The following CFAP69 variants were observed in gnomAD, a reference collection of about 807,000 sequenced individuals.
The protein encoded by CFAP69 is cilia and flagella associated protein 69, also known as cilia- and flagella-associated protein 69.
A neutral mutation model predicts 123.0 loss-of-function variants in CFAP69; 92 were observed. That is an observed-to-expected ratio of 0.75 (90% CI 0.63 to 0.89). The LOEUF (loss-of-function observed/expected upper bound fraction) is 0.89, where lower values mean the gene tolerates loss of function less well. CFAP69 is among the 40% of genes least tolerant of loss of function. CFAP69 has a pLI of 0.00. For synonymous variants in CFAP69, 380 were observed against 364.3 expected (o/e 1.04, Z -0.49); for missense variants, 1,067 against 1,096.9 (o/e 0.97, Z 0.39).
At position 90,271,852 on chromosome 7, in the gene CFAP69, C is replaced by G. The variant is rs1165913724; in HGVS notation, c.754C>G (p.Pro252Ala). The G allele has an allele frequency of 1.2e-6, 2 of 1,605,978 alleles. No homozygotes were observed. Among genetic ancestry groups the G allele is most frequent in the Non-Finnish European group, 1.7e-6 (2 of 1,175,062 alleles). The change falls in exon 8 of 23, where the codon CCC becomes GCC. Residue 252 changes from proline (P) to alanine (A), a missense_variant. Transcript: ENST00000389297. The part of the protein sequence containing the change: ...GICTHLNDPD[P>A]SGQLLFRSSE... ...CTGTACTCACCTCAATGACCCAGATCCCTCTGGACAGCTTTTATTTCGTTC... is the reference window on the plus strand; with the variant it reads ...CTGTACTCACCTCAATGACCCAGATGCCTCTGGACAGCTTTTATTTCGTTC...
chr7:90,296,003 G>C (rs17869453), intron 15 of CFAP69, among the ~76,000 whole-genome samples: 3 of 152,004 alleles, frequency 2.0e-5, no homozygotes, highest in Admixed American at 6.6e-5. Flanking sequence ...TGTTTTATCC[G>C]CAAAGCCTTA....
intron 9 of CFAP69, among the ~76,000 whole-genome samples, chr7:90,275,737 G>A (rs570411095): frequency 5.3e-5 from 8 of 151,450 alleles, no homozygotes; most frequent in African/African-American, 1.7e-4. Context: ...GAGTAGCTGG[G>A]ACTACAGGCA....
downstream of CFAP69, among the ~76,000 whole-genome samples, chr7:90,311,794 T>C (rs992132877): frequency 6.6e-6 from 1 of 152,210 alleles, no homozygotes; most frequent in Non-Finnish European, 1.5e-5. Context: ...GCCCATCCTC[T>C]TGTGCCCCAT....
At chr7:90,269,529 T>C (rs1288254656) in intron 6 of CFAP69, among the ~76,000 whole-genome samples, 1 of 151,914 alleles carries the variant, frequency 6.6e-6, no homozygotes, top group Non-Finnish European at 1.5e-5. Flanking sequence ...AGGAGAAAGT[T>C]GTCTCAGTGT....
intron 20 of CFAP69, 144 bp from the exon 21 acceptor site, chr7:90,307,624 T>C (rs1793791003): frequency 1.9e-6 from 1 of 527,996 alleles, no homozygotes; most frequent in African/African-American, 2.0e-5. Context: ...TATAATTTTA[T>C]TTCTACAGTC....
intron 6 of CFAP69, chr7:90,268,957 A>G: frequency 6.6e-6 from 1 of 152,216 alleles, no homozygotes; most frequent in East Asian, 1.9e-4. Flanking sequence ...GAGAGAGGAT[A>G]TAAACAATAA....
At chr7:90,251,064 C>T (rs1796950728) in intron 1 of CFAP69, among the ~76,000 whole-genome samples, 1 of 152,052 alleles carries the variant, frequency 6.6e-6, no homozygotes, top group Non-Finnish European at 1.5e-5. Context: ...AGTCTACCTC[C>T]AAATCAGTCT....
At chr7:90,322,097 G>C in the CFAP69 span, 1 of 152,400 alleles carries the variant, frequency 6.6e-6, no homozygotes, top group Non-Finnish European at 1.5e-5. Context: ...CATTGTCCCT[G>C]CTAAAGCTCA....
intron 17 of CFAP69, 41 bp downstream of exon 17, chr7:90,300,100 T>C: frequency 1.4e-6 from 2 of 1,414,244 alleles, no homozygotes; most frequent in Non-Finnish European, 1.9e-6. Flanking sequence ...AATTAATGTA[T>C]ATATTTTAAA....
At chr7:90,259,336 G>C (rs1299401508) in intron 3 of CFAP69, among the ~76,000 whole-genome samples, 3 of 152,130 alleles carry the variant, frequency 2.0e-5, no homozygotes, top group Non-Finnish European at 4.4e-5. Flanking sequence ...TGAAACCCAG[G>C]AATTCAAGGT....
chr7:90,271,636 C>G lies in CFAP69; in HGVS notation c.643C>G (p.Leu215Val). ...GCTTGAAAATCAACTTGTTGAGAAA[C>G]TTTGGGTACTTAAAGTTCTGCAGCA... is the stretch of plus-strand genomic sequence containing the variant. The part of the protein sequence containing the change: ...TLLENQLVEK[L>V]WVLKVLQHLS... Residue 215 changes from leucine to valine, a missense_variant, in exon 7 of 23, where the codon CTT becomes GTT. Physicochemically the swap from Leu to Val is conservative, Grantham distance 32. Coordinates refer to ENST00000389297, the MANE Select transcript of CFAP69 (RefSeq NM_001039706.3). 1 of 1,613,572 alleles carries G rather than the reference C, an allele frequency of 6.2e-7. No individual in the cohort carries two copies. Among genetic ancestry groups the G allele is most frequent in the South Asian group, 1.1e-5 (1 of 91,038 alleles).
At chr7:90,280,484 G>T (rs1176838809) in intron 12 of CFAP69, among the ~76,000 whole-genome samples, 1 of 152,208 alleles carries the variant, frequency 6.6e-6, no homozygotes, top group Non-Finnish European at 1.5e-5. Flanking sequence ...GCGTGAGCCT[G>T]AAATGAATTA....
chr7:90,303,577 C>A, intron 17 of CFAP69: 1 of 957,782 alleles, frequency 1.0e-6, no homozygotes, highest in Non-Finnish European at 1.2e-6. Context: ...TGACCTATAG[C>A]ATCATAAAAT....
At chr7:90,295,591 A>G (rs1791827020) in intron 15 of CFAP69, among the ~76,000 whole-genome samples, 1 of 152,098 alleles carries the variant, frequency 6.6e-6, no homozygotes, top group South Asian at 2.1e-4. Context: ...TGTCCCTTCC[A>G]TGGTTGCCAG....
Position 90,271,603 on chromosome 7 carries a change from A to G in CFAP69, c.610A>G (p.Met204Val), listed in dbSNP as rs762249812. Reference protein sequence around the residue: ...GGLAKTMVQSMTLLENQLVEK... With the variant: ...GGLAKTMVQSVTLLENQLVEK... ...ATTAGCAAAAACAATGGTCCAGTCA[A>G]TGACCTTGCTTGAAAATCAACTTGT... Residue 204 changes from methionine to valine, a missense_variant, in exon 7 of 23, where the codon ATG becomes GTG. Physicochemically the swap from Met to Val is conservative, Grantham distance 21. Coordinates refer to ENST00000389297, the MANE Select transcript of CFAP69 (RefSeq NM_001039706.3). 5 of 1,613,576 alleles carry G rather than the reference A, an allele frequency of 3.1e-6. No individual in the cohort carries two copies. Among genetic ancestry groups the G allele is most frequent in the African/African-American group, 1.3e-5 (1 of 74,916 alleles).
chr7:90,246,956 A>C (rs1299474643), intron 1 of CFAP69, among the ~76,000 whole-genome samples: 3 of 151,988 alleles, frequency 2.0e-5, no homozygotes, highest in African/African-American at 7.3e-5. Context: ...TTCTTTCATT[A>C]CTACTGCTCT....
Position 90,309,299 on chromosome 7 carries a change from TC to T in CFAP69, c.2589del (p.Arg864AspfsTer28). The T allele has an allele frequency of 6.3e-7, 1 of 1,587,426 alleles. No individual in the cohort carries two copies. The highest frequency in any genetic ancestry group is 1.2e-5 in the South Asian group (1 of 85,360). ...CCTTCAAGAAAAAGCTATAGAAGCC[TC>T]CAGATACCATAAACGACCACAAAAT... ...KSLQEKAIEA[S>X]RYHKRPQNAI... On this transcript the variant is annotated frameshift_variant, in exon 22 of 23. Coordinates refer to ENST00000389297, the MANE Select transcript of CFAP69 (RefSeq NM_001039706.3). LOFTEE classifies it high-confidence loss of function.
At chr7:90,301,081 G>A (rs957224265) in intron 17 of CFAP69, 3 of 151,810 alleles carry the variant, frequency 2.0e-5, no homozygotes, top group African/African-American at 7.3e-5. Flanking sequence ...TGATTCTTCT[G>A]CCTCAGCCTC....
chr7:90,264,105 ATATATATATATATATATATATATATAT>A (rs1379751924), intron 4 of CFAP69, among the ~76,000 whole-genome samples: 12 of 71,426 alleles, frequency 1.7e-4, no homozygotes, highest in South Asian at 1.0e-3. Context: ...AAAAAAAAAA[ATATATATATATATATATATATATATAT>A]ATATATATAT....
Sources: allele counts gnomAD v4.1 joint callset (sites outside exome capture counted in the v4.1 genomes callset), GRCh38; gene constraint gnomAD v4.1.1; transcripts MANE v1.5; gene names NCBI Gene and HGNC (gene_info 2026-07-23, HGNC 2026-07-21).